The following ZNF713 variants were observed in gnomAD, a reference collection of about 807,000 sequenced individuals.
ZNF713 encodes zinc finger protein 713.
In ZNF713, 21 loss-of-function variants were observed where a neutral mutation model predicts 28.7. The observed-to-expected ratio is 0.73, with a 90% CI of 0.52 to 1.05. ZNF713 has a LOEUF of 1.05. Ranked by LOEUF, ZNF713 falls within the 50% of genes least tolerant of loss-of-function variation. The pLI is 0.00. For missense variants in ZNF713, 458 were observed against 532.4 expected, an observed-to-expected ratio of 0.86 and a Z score of 1.37; for synonymous variants, 167 against 178.0, an observed-to-expected ratio of 0.94 and a Z score of 0.49.
intron 6 of ZNF713, among the ~76,000 whole-genome samples, chr7:55,937,928 G>C (rs998113869): frequency 6.6e-6 from 1 of 151,892 alleles, no homozygotes. Context: ...AAGAGGCCGG[G>C]CACGGTGGCT....
rs1399280818 is a variant in ZNF713 at position 55,939,973 on chromosome 7, T to C, written c.1299T>C (p.Thr433=). Reference sequence around the variant, plus strand: ...TATGTGAATATAAATGTGAGCAAACTGTTCGCCACAGTCCTTCATTTAGCA... The same window carrying C: ...TATGTGAATATAAATGTGAGCAAACCGTTCGCCACAGTCCTTCATTTAGCA... ...EKLCEYKCEQ[T]VRHSPSFSST is the part of the protein sequence containing the mutation. The change falls in exon 7 of 7, where the codon ACT becomes ACC. Residue 433 remains threonine, a synonymous_variant. Coordinates refer to ENST00000429591, the MANE Select transcript of ZNF713 (RefSeq NM_182633.3). The C allele has an allele frequency of 6.2e-7, 1 of 1,602,292 alleles. No homozygotes were observed. The highest frequency in any genetic ancestry group is 8.5e-7 in the Non-Finnish European group (1 of 1,172,430).
chr7:55,923,388 G>A (rs746428469), intron 5 of ZNF713, 100 bp downstream of exon 5: 324 of 1,465,842 alleles, frequency 2.2e-4, no homozygotes, highest in Non-Finnish European at 2.9e-4. Flanking sequence ...GTTTGGGCTG[G>A]GATAGAAGAA....
chr7:55,920,971 C>T (rs1402682700), intron 4 of ZNF713, among the ~76,000 whole-genome samples: 5 of 152,040 alleles, frequency 3.3e-5, no homozygotes, highest in Non-Finnish European at 7.4e-5. Context: ...CTTCAGAAGA[C>T]AGGCTGACTT....
chr7:55,910,496 G>GTT (rs1785766310), intron 2 of ZNF713, among the ~76,000 whole-genome samples: 1 of 151,668 alleles, frequency 6.6e-6, no homozygotes, highest in Admixed American at 6.6e-5. Flanking sequence ...GGGTTTTTTG[G>GTT]TTTTGTTTTT....
Position 55,904,233 on chromosome 7 carries a change from G to A in ZNF713, c.-582-2020G>A, listed in dbSNP as rs1157007551. On this transcript the variant is annotated intron_variant, in intron 1 of 6. Transcript: ENST00000429591. Reference sequence around the variant, plus strand: ...TGCAATCCCAGCACCAGGCCGAGGCGGGTGGATCACTTGAGCTAAGGAGTT... The same window carrying A: ...TGCAATCCCAGCACCAGGCCGAGGCAGGTGGATCACTTGAGCTAAGGAGTT... Among the ~76,000 whole-genome samples the A allele has an allele frequency of 1.8e-5, 2 of 114,046 alleles. 1 individual carries two copies. The highest frequency in any genetic ancestry group is 6.2e-5 in the African/African-American group (2 of 32,134). 74.8% of individuals were successfully genotyped at this position (114,046 alleles called of 152,430 possible). A position where few individuals can be genotyped will look rare whatever the true frequency, so the allele number is the denominator to read the frequency against.
At chr7:55,898,389 AT>A (rs1785512124) in intron 1 of ZNF713, among the ~76,000 whole-genome samples, 1 of 152,224 alleles carries the variant, frequency 6.6e-6, no homozygotes, top group African/African-American at 2.4e-5. Context: ...AGACTGAGTA[AT>A]TTATGAAGAA....
intron 1 of ZNF713, among the ~76,000 whole-genome samples, chr7:55,896,040 G>A (rs757604883): frequency 1.3e-5 from 2 of 152,186 alleles, no homozygotes; most frequent in Non-Finnish European, 2.9e-5. Flanking sequence ...TTTTGGATAT[G>A]TTAGGCTTCA....
rs773654652 is a variant in ZNF713 at position 55,923,262 on chromosome 7, A to G, written c.188A>G (p.Glu63Gly). ...QKNLYRDVML[E>G]NYRNLVALGY... The stretch of plus-strand genomic sequence containing the variant: ...AACCTCTATCGAGACGTGATGCTGG[A>G]GAACTACAGGAATCTAGTTGCACTG... The change falls in exon 5 of 7, where the codon GAG becomes GGG. Residue 63 changes from glutamate to glycine, a missense_variant. Physicochemically the swap from Glu to Gly is moderately conservative, Grantham distance 98. Coordinates refer to ENST00000429591, the MANE Select transcript of ZNF713 (RefSeq NM_182633.3). The G allele has an allele frequency of 6.8e-6, 11 of 1,613,336 alleles. No homozygotes were observed. Among genetic ancestry groups the G allele is most frequent in the African/African-American group, 1.3e-5 (1 of 74,888 alleles).
Position 55,939,957 on chromosome 7 carries a change from A to G in ZNF713, c.1283A>G (p.Tyr428Cys). Residue 428 changes from tyrosine (Y) to cysteine (C), a missense_variant, in exon 7 of 7, where the codon TAT becomes TGT. Tyr to Cys is a radical substitution (Grantham distance 194). Coordinates refer to ENST00000429591, the MANE Select transcript of ZNF713 (RefSeq NM_182633.3). The part of the protein sequence containing the change: ...KIHTREKLCE[Y>C]KCEQTVRHSP... ...CATACTCGGGAGAAATTATGTGAATATAAATGTGAGCAAACTGTTCGCCAC... is the reference window on the plus strand; with the variant it reads ...CATACTCGGGAGAAATTATGTGAATGTAAATGTGAGCAAACTGTTCGCCAC... 2 of 1,610,156 alleles carry G rather than the reference A, an allele frequency of 1.2e-6. No individual in the cohort carries two copies. The highest frequency in any genetic ancestry group is 2.2e-5 in the South Asian group (2 of 90,720).
At chr7:55,936,456 A>G (rs1445243730) in intron 6 of ZNF713, among the ~76,000 whole-genome samples, 1 of 152,094 alleles carries the variant, frequency 6.6e-6, no homozygotes, top group Non-Finnish European at 1.5e-5. Context: ...AGAATTAGTG[A>G]TGATACTGCC....
At chr7:55,910,053 G>T (rs1042036322) in intron 2 of ZNF713, among the ~76,000 whole-genome samples, 2 of 151,528 alleles carry the variant, frequency 1.3e-5, no homozygotes, top group South Asian at 2.1e-4. Flanking sequence ...AAGAGACAGG[G>T]TGTCATCATG....
At position 55,939,795 on chromosome 7, in the gene ZNF713, T is replaced by C; in HGVS notation, c.1121T>C (p.Phe374Ser). The C allele has an allele frequency of 6.2e-7, 1 of 1,614,168 alleles. No homozygotes were observed. Among genetic ancestry groups the C allele is most frequent in the Non-Finnish European group, 8.5e-7 (1 of 1,180,028 alleles). Residue 374 changes from phenylalanine to serine, a missense_variant, in exon 7 of 7, where the codon TTC (phenylalanine) becomes TCC (serine). Coordinates refer to ENST00000429591, the MANE Select transcript of ZNF713 (RefSeq NM_182633.3). ...GGAGAGAAACCTTACGAATGTGGTT[T>C]CTGTGGCAAAGCCTTCAGTCAGAGG... ...HTGEKPYECG[F>S]CGKAFSQRTH... is the part of the protein sequence containing the mutation.
At chr7:55,924,250 A>G (rs1786051978) in intron 6 of ZNF713, 1 of 152,172 alleles carries the variant, frequency 6.6e-6, no homozygotes, top group East Asian at 1.9e-4. Flanking sequence ...TACCTCTACT[A>G]CTAACATTGT....
chr7:55,936,885 C>T (rs1786359715), intron 6 of ZNF713, among the ~76,000 whole-genome samples: 1 of 152,068 alleles, frequency 6.6e-6, no homozygotes, highest in Admixed American at 6.6e-5. Context: ...AAAAGTTCTC[C>T]AAAATGAAGC....
At chr7:55,929,011 G>T (rs1048456856) in intron 6 of ZNF713, among the ~76,000 whole-genome samples, 1 of 149,268 alleles carries the variant, frequency 6.7e-6, no homozygotes, top group African/African-American at 2.5e-5. Context: ...GGTAACACAC[G>T]CCTGTAGTCC....
At chr7:55,933,970 G>A (rs1051957156) in intron 6 of ZNF713, among the ~76,000 whole-genome samples, 1 of 152,184 alleles carries the variant, frequency 6.6e-6, no homozygotes, top group African/African-American at 2.4e-5. Context: ...CTCCCAAAGT[G>A]CTGGGATTAC....
intron 4 of ZNF713, among the ~76,000 whole-genome samples, chr7:55,916,161 C>T (rs572039094): frequency 1.3e-5 from 2 of 152,190 alleles, no homozygotes; most frequent in East Asian, 1.9e-4. Flanking sequence ...CTGCTCAAAG[C>T]GCATGGCTCC....
intron 1 of ZNF713, among the ~76,000 whole-genome samples, chr7:55,896,602 T>TAC (rs140194796): frequency 2.1e-5 from 1 of 48,650 alleles, no homozygotes; most frequent in Non-Finnish European, 5.2e-5. Context: ...TGTGTGTGTG[T>TAC]ATATATATAT....
chr7:55,923,682 TGCTG>T lies in ZNF713; in HGVS notation c.292_295del (p.Leu98IlefsTer30). 6.2e-7 allele frequency: 1 copy of T among 1,612,150 alleles called. No individual in the cohort carries two copies. The highest frequency in any genetic ancestry group is 1.3e-5 in the African/African-American group (1 of 74,976). On this transcript the variant is annotated frameshift_variant, in exon 6 of 7. Coordinates refer to ENST00000429591, the MANE Select transcript of ZNF713 (RefSeq NM_182633.3). LOFTEE classifies it low-confidence loss of function (END_TRUNC). ...GAATGGGTGATAGAAAGAGACAGCC[TGCTG>T]GATACTCATCCAGGTAAGTGCACAC... is the stretch of plus-strand genomic sequence containing the variant.
Sources: allele counts gnomAD v4.1 joint callset (sites outside exome capture counted in the v4.1 genomes callset), GRCh38; gene constraint gnomAD v4.1.1; transcripts MANE v1.5; gene names NCBI Gene and HGNC (gene_info 2026-07-23, HGNC 2026-07-21).